Variants in CD300A observed in about 807,000 individuals in gnomAD.
CD300A encodes CD300a molecule.
Under a neutral mutation model 33.6 loss-of-function variants are expected in CD300A, and 22 were observed. The observed-to-expected ratio is 0.66, with a 90% CI of 0.47 to 0.94. The LOEUF (loss-of-function observed/expected upper bound fraction) is 0.94. Among genes scored for constraint, CD300A ranks in the 40% least tolerant of loss-of-function variants. The pLI is 0.00. For missense variants in CD300A, 326 were observed against 360.5 expected, an observed-to-expected ratio of 0.90 and a Z score of 0.77; for synonymous variants, 136 against 148.1, an observed-to-expected ratio of 0.92 and a Z score of 0.59.
intron 4 of CD300A, 54 bp downstream of exon 4, chr17:74,477,584 C>A: frequency 8.7e-7 from 1 of 1,144,672 alleles, no homozygotes; most frequent in Middle Eastern, 2.7e-4. Context: ...AGACCCTGAC[C>A]ACAGACGCTC....
intron 4 of CD300A, among the ~76,000 whole-genome samples, chr17:74,479,819 C>A (rs947345739): frequency 6.6e-6 from 1 of 151,948 alleles, no homozygotes; most frequent in African/African-American, 2.4e-5. Flanking sequence ...GAGCCTGACA[C>A]CTGCCTCATC....
chr17:74,475,225 G>A (rs769164266), intron 3 of CD300A, among the ~76,000 whole-genome samples: 33 of 152,268 alleles, frequency 2.2e-4, no homozygotes, highest in Middle Eastern at 3.4e-3. Flanking sequence ...ATCAGACCTC[G>A]TGAGACTTAT....
chr17:74,474,348 C>T (rs150699084), intron 2 of CD300A, among the ~76,000 whole-genome samples, 184 bp from the exon 3 acceptor site: 9 of 152,246 alleles, frequency 5.9e-5, no homozygotes, highest in East Asian at 3.9e-4. Flanking sequence ...GAGTGGCACC[C>T]GTGTCCTGTT....
At position 74,484,343 on chromosome 17, in the gene CD300A, A is replaced by G; in HGVS notation, c.*217A>G. 2.3e-6 allele frequency: 1 copy of G among 437,810 alleles called. No homozygotes were observed. Among genetic ancestry groups the G allele is most frequent in the Non-Finnish European group, 4.2e-6 (1 of 239,126 alleles). 27.1% of individuals were successfully genotyped at this position (437,810 alleles called of 1,614,324 possible). The stretch of plus-strand genomic sequence containing the variant: ...GGGGCTCCGGAGAGCAGCAGGAAGC[A>G]CTCCCAGCCACCAGTGCCTGTCACC... On this transcript the variant is annotated 3_prime_UTR_variant, in exon 7 of 7. Coordinates refer to ENST00000360141, the MANE Select transcript of CD300A (RefSeq NM_007261.4).
chr17:74,483,956 C>T (rs757516099), intron 6 of CD300A, 45 bp from the exon 7 acceptor site: 2 of 1,606,180 alleles, frequency 1.2e-6, no homozygotes, highest in Admixed American at 3.4e-5. Flanking sequence ...GTCCTTTCTT[C>T]CCTTGCCTCT....
chr17:74,482,575 CCG>C (rs1279229610), intron 6 of CD300A, among the ~76,000 whole-genome samples: 1 of 151,496 alleles, frequency 6.6e-6, no homozygotes, highest in Non-Finnish European at 1.5e-5. Context: ...CCTGCCACTT[CCG>C]GGTCCCCTGA....
chr17:74,472,816 G>T (rs1212818553), intron 1 of CD300A, among the ~76,000 whole-genome samples: 1 of 152,068 alleles, frequency 6.6e-6, no homozygotes, highest in African/African-American at 2.4e-5. Flanking sequence ...CACCATGTCG[G>T]CCAGGCTAGT....
At chr17:74,470,561 C>T (rs1049323221) in intron 1 of CD300A, among the ~76,000 whole-genome samples, 16 of 152,066 alleles carry the variant, frequency 1.1e-4, no homozygotes, top group Non-Finnish European at 2.4e-4. Context: ...AGAAAGATGA[C>T]GATTCGCAGC....
intron 6 of CD300A, 38 bp from the exon 7 acceptor site, chr17:74,483,963 C>G (rs746315892): frequency 6.2e-7 from 1 of 1,608,638 alleles, no homozygotes; most frequent in South Asian, 1.1e-5. Flanking sequence ...CTTCCCTTGC[C>G]TCTCCCAAGT....
rs567806047 is a variant in CD300A at position 74,473,567 on chromosome 17, G to A, written c.72G>A (p.Val24=). The change falls in exon 2 of 7, where the codon GTG becomes GTA. Residue 24 remains valine, a synonymous_variant. Transcript: ENST00000360141. ...TTGCTCTGAGCAAATGCAGGACCGT[G>A]GCGGGCCCCGTGGGGGGATCCCTGA... The part of the protein sequence containing the change: ...GCFALSKCRT[V]AGPVGGSLSV... The A allele has an allele frequency of 1.5e-5, 25 of 1,613,950 alleles. No individual in the cohort carries two copies. In the South Asian group the frequency reaches 2.5e-4, roughly 16 times the overall value.
At chr17:74,475,268 C>T (rs1472324917) in intron 3 of CD300A, among the ~76,000 whole-genome samples, 1 of 152,170 alleles carries the variant, frequency 6.6e-6, no homozygotes, top group Non-Finnish European at 1.5e-5. Context: ...GAGCAAACCA[C>T]CCCCATGATT....
chr17:74,474,064 G>T (rs974658868), intron 2 of CD300A, among the ~76,000 whole-genome samples, 190 bp downstream of exon 2: 4 of 152,168 alleles, frequency 2.6e-5, no homozygotes, highest in African/African-American at 9.7e-5. Flanking sequence ...TATTGAAGAA[G>T]GGAAGGGTCC....
At chr17:74,477,689 G>A (rs1483446364) in intron 4 of CD300A, among the ~76,000 whole-genome samples, 159 bp downstream of exon 4, 4 of 152,160 alleles carry the variant, frequency 2.6e-5, no homozygotes, top group Non-Finnish European at 5.9e-5. Flanking sequence ...GGTCCCATGG[G>A]AGGCATCCTT....
At chr17:74,467,416 G>A (rs1022593771) in intron 1 of CD300A, among the ~76,000 whole-genome samples, 8 of 152,200 alleles carry the variant, frequency 5.3e-5, no homozygotes, top group African/African-American at 1.9e-4. Flanking sequence ...ATATGGGACA[G>A]AGGGGACAGA....
intron 1 of CD300A, chr17:74,470,195 G>T (rs898040535): frequency 1.0e-5 from 10 of 985,394 alleles, no homozygotes; most frequent in South Asian, 9.4e-5. Context: ...GAGAGAAAGC[G>T]CAGAAACACA....
chr17:74,472,811 T>C (rs2144511424), intron 1 of CD300A, among the ~76,000 whole-genome samples: 1 of 152,204 alleles, frequency 6.6e-6, no homozygotes, highest in South Asian at 2.1e-4. Context: ...GGTTTCACCA[T>C]GTCGGCCAGG....
intron 4 of CD300A, 90 bp from the exon 5 acceptor site, chr17:74,481,198 AG>A: frequency 2.4e-6 from 3 of 1,238,456 alleles, no homozygotes; most frequent in Admixed American, 1.7e-5. Flanking sequence ...TGAGGTCTCT[AG>A]GGAAAGGCCT....
At position 74,481,839 on chromosome 17, in the gene CD300A, T is replaced by G. The variant is rs2144540016; in HGVS notation, c.774+6T>G. 1.2e-6 allele frequency: 2 copies of G among 1,603,370 alleles called. No individual in the cohort carries two copies. The highest frequency in any genetic ancestry group is 4.5e-5 in the East Asian group (2 of 44,604). On this transcript the variant is annotated splice_donor_region_variant and intron_variant, in intron 6 of 6. Transcript: ENST00000360141. ...AGGTGGAATACAGCACTGTGGTAAG[T>G]GCAGGAGCCCGGCTTTTGGGCATGC...
At chr17:74,483,927 C>T in intron 6 of CD300A, 74 bp from the exon 7 acceptor site, 1 of 1,565,396 alleles carries the variant, frequency 6.4e-7, no homozygotes, top group Non-Finnish European at 8.7e-7. Context: ...TGTCCTCCCT[C>T]CTCCATCCTA....
Sources: allele counts gnomAD v4.1 joint callset (sites outside exome capture counted in the v4.1 genomes callset), GRCh38; gene constraint gnomAD v4.1.1; transcripts MANE v1.5; gene names NCBI Gene and HGNC (gene_info 2026-07-23, HGNC 2026-07-21).